CRPPA: variants seen among roughly 807,000 people sequenced by gnomAD.
CRPPA encodes the protein D-ribitol-5-phosphate cytidylyltransferase.
A neutral mutation model predicts 52.0 loss-of-function variants in CRPPA; 43 were observed. That is an observed-to-expected ratio of 0.83 (90% confidence interval 0.65 to 1.07). The LOEUF is 1.07. Ranked by LOEUF, CRPPA falls within the 50% of genes least tolerant of loss-of-function variation. The probability of loss-of-function intolerance (pLI) is 0.00; values close to 1 mark genes in which losing one functional copy is unlikely to be tolerated. For missense variants in CRPPA, 629 were observed against 551.7 expected (o/e 1.14, Z -1.40); for synonymous variants, 250 against 203.5 (o/e 1.23, Z -1.94).
intron 8 of CRPPA, among the ~76,000 whole-genome samples, chr7:16,243,843 T>C (rs1356308070): frequency 6.6e-6 from 1 of 152,116 alleles, no homozygotes; most frequent in African/African-American, 2.4e-5. Flanking sequence ...GGTGTGCACC[T>C]GTACTCCCAG....
At chr7:16,192,623 A>G (rs562199049) in intron 9 of CRPPA, among the ~76,000 whole-genome samples, 54 of 152,182 alleles carry the variant, frequency 3.5e-4, no homozygotes, top group African/African-American at 1.2e-3. Flanking sequence ...GAATAATACA[A>G]ATCTTTCTTA....
intron 8 of CRPPA, chr7:16,237,271 C>T (rs2128404975): frequency 6.6e-6 from 1 of 152,246 alleles, no homozygotes; most frequent in African/African-American, 2.4e-5. Flanking sequence ...TACCATCGAC[C>T]AGATGGCTTA....
intron 6 of CRPPA, among the ~76,000 whole-genome samples, chr7:16,267,626 C>T (rs1398774257): frequency 1.3e-5 from 2 of 152,134 alleles, no homozygotes; most frequent in African/African-American, 4.8e-5. Flanking sequence ...GTATGGCAAA[C>T]ATAAATGACT....
intron 9 of CRPPA, among the ~76,000 whole-genome samples, chr7:16,180,680 C>G (rs1418018992): frequency 6.6e-6 from 1 of 151,814 alleles, no homozygotes; most frequent in African/African-American, 2.4e-5. Flanking sequence ...GCCAATTCTC[C>G]AATTGTTACA....
At chr7:16,279,102 C>A (rs1028529962) in intron 5 of CRPPA, among the ~76,000 whole-genome samples, 1 of 152,126 alleles carries the variant, frequency 6.6e-6, no homozygotes, top group African/African-American at 2.4e-5. Context: ...AGCATTATAT[C>A]ATGGATAAAG....
At chr7:16,254,687 T>C (rs910846700) in intron 8 of CRPPA, among the ~76,000 whole-genome samples, 5 of 150,680 alleles carry the variant, frequency 3.3e-5, no homozygotes, top group Admixed American at 1.3e-4. Context: ...TGTGTACCTA[T>C]GTAACAAACC....
At chr7:16,240,368 G>A (rs985925695) in intron 8 of CRPPA, among the ~76,000 whole-genome samples, 2 of 151,800 alleles carry the variant, frequency 1.3e-5, no homozygotes, top group African/African-American at 4.8e-5. Context: ...TTCTGCCACT[G>A]GAGCAGTGTA....
chr7:16,378,638 G>T (rs1420384387), intron 2 of CRPPA, among the ~76,000 whole-genome samples: 1 of 151,690 alleles, frequency 6.6e-6, no homozygotes, highest in Non-Finnish European at 1.5e-5. Flanking sequence ...TAATGGGATG[G>T]CTGGGTCAAA....
intron 9 of CRPPA, among the ~76,000 whole-genome samples, chr7:16,148,223 G>C (rs1385154285): frequency 6.6e-6 from 1 of 151,960 alleles, no homozygotes; most frequent in Non-Finnish European, 1.5e-5. Context: ...CCTCTTAAAA[G>C]TACAACCTCC....
chr7:16,233,218 T>A (rs1028389890), intron 8 of CRPPA, among the ~76,000 whole-genome samples: 1 of 152,070 alleles, frequency 6.6e-6, no homozygotes, highest in African/African-American at 2.4e-5. Context: ...GTCAGCCTAA[T>A]AAACAGGTAA....
chr7:16,231,365 G>A (rs1782791017), intron 8 of CRPPA, among the ~76,000 whole-genome samples: 1 of 152,058 alleles, frequency 6.6e-6, no homozygotes, highest in Non-Finnish European at 1.5e-5. Context: ...GACAATCAGT[G>A]GATAATCCTG....
chr7:16,241,946 CTTTTTTTTT>C (rs71549979), intron 8 of CRPPA, among the ~76,000 whole-genome samples: 1 of 55,400 alleles, frequency 1.8e-5, no homozygotes, highest in East Asian at 4.7e-4. Context: ...AAAATCTATT[CTTTTTTTTT>C]TTTTTTTTTT....
At chr7:16,259,454 G>C (rs1311075711) in intron 6 of CRPPA, among the ~76,000 whole-genome samples, 1 of 151,910 alleles carries the variant, frequency 6.6e-6, no homozygotes, top group Non-Finnish European at 1.5e-5. Context: ...AAAGCAGTAA[G>C]AAATCATCAC....
rs1306902877 is a variant in CRPPA at position 16,088,529 on chromosome 7, T to A, written c.*3166A>T. The A allele has an allele frequency of 1.3e-5, 2 of 149,738 alleles. No homozygotes were observed. Among genetic ancestry groups the A allele is most frequent in the East Asian group, 4.1e-4 (2 of 4,904 alleles). The allele number at this position is 149,738 out of a possible 1,614,324, so 9.3% of individuals were successfully genotyped here. On this transcript the variant is annotated 3_prime_UTR_variant, in exon 10 of 10. Coordinates refer to ENST00000407010, the MANE Select transcript of CRPPA (RefSeq NM_001101426.4). ...GCCTCCCAGGTTGACGCCATTCTCC[T>A]GCCTAAGCCTCCTGAGTAGCTGGGA...
At chr7:16,178,052 A>C (rs1781338939) in intron 9 of CRPPA, among the ~76,000 whole-genome samples, 1 of 121,636 alleles carries the variant, frequency 8.2e-6, no homozygotes, top group African/African-American at 3.0e-5. Flanking sequence ...GCTGTTGTCT[A>C]AAAGAAGGCA....
At chr7:16,233,978 T>C (rs1409560483) in intron 8 of CRPPA, among the ~76,000 whole-genome samples, 1 of 152,130 alleles carries the variant, frequency 6.6e-6, no homozygotes, top group Non-Finnish European at 1.5e-5. Context: ...TCTGTACCTG[T>C]TAATATTATC....
intron 3 of CRPPA, among the ~76,000 whole-genome samples, chr7:16,374,244 C>T (rs1195389703): frequency 6.6e-6 from 1 of 152,102 alleles, no homozygotes; most frequent in African/African-American, 2.4e-5. Context: ...AGCTGGCTTG[C>T]TAAGTCTTCT....
intron 6 of CRPPA, among the ~76,000 whole-genome samples, chr7:16,273,964 C>A (rs554613644): frequency 6.6e-6 from 1 of 152,336 alleles, no homozygotes; most frequent in South Asian, 2.1e-4. Context: ...CTTAGCCAGT[C>A]CTGCGAAGGG....
chr7:16,113,545 T>C (rs1251449737), intron 9 of CRPPA, among the ~76,000 whole-genome samples: 2 of 151,850 alleles, frequency 1.3e-5, no homozygotes, highest in Non-Finnish European at 2.9e-5. Context: ...GTAGAGACAA[T>C]CTTAAAGCAA....
Sources: gnomAD v4.1 joint callset for allele counts (sites outside exome capture counted in the v4.1 genomes callset) on GRCh38, gnomAD v4.1.1 for gene constraint, MANE v1.5 for transcripts, NCBI Gene and HGNC (gene_info 2026-07-23, HGNC 2026-07-21) for gene names.